MYOCOS: variants seen among roughly 807,000 people sequenced by gnomAD.
MYOCOS encodes myocilin opposite strand, also known as myocilin opposite strand protein.
At chr1:171,604,384 C>A (rs1184026407) in intron 1 of MYOCOS, 1 of 152,100 alleles carries the variant, frequency 6.6e-6, no homozygotes, top group Admixed American at 6.5e-5. Context: ...TGAGGTAAGA[C>A]AAAAGATTGC....
At chr1:171,604,545 C>T (rs555525830) in intron 1 of MYOCOS, among the ~76,000 whole-genome samples, 2 of 152,244 alleles carry the variant, frequency 1.3e-5, no homozygotes, top group Admixed American at 1.3e-4. Flanking sequence ...TGATCACAGT[C>T]TTTGAAGTAA....
intron 2 of MYOCOS, among the ~76,000 whole-genome samples, chr1:171,624,435 A>AATTATTATTATTATTATTAATATTATT (rs1652649578): frequency 6.8e-6 from 1 of 147,118 alleles, no homozygotes; most frequent in African/African-American, 2.6e-5. Flanking sequence ...ACGTCTGGTT[A>AATTATTATTATTATTATTAATATTATT]ATTATTATTA....
upstream of MYOCOS, among the ~76,000 whole-genome samples, chr1:171,619,683 T>C (rs962756079): frequency 6.6e-6 from 1 of 151,900 alleles, no homozygotes; most frequent in Non-Finnish European, 1.5e-5. Flanking sequence ...ACCCCATCTC[T>C]ACTAAAAATA....
At chr1:171,614,000 G>C (rs1652403642) in intron 1 of MYOCOS, among the ~76,000 whole-genome samples, 1 of 152,176 alleles carries the variant, frequency 6.6e-6, no homozygotes, top group Non-Finnish European at 1.5e-5. Context: ...CCCAGGAAGA[G>C]GCATTGTCCT....
In MYOCOS at chr1:171,609,086, C is replaced by T. The variant is rs1031790452; in HGVS notation, c.-251-5712C>T. ...CAGCCACAGCTGATGTCCTCCTCTCCTACCCATTCTAGATTTCCCTCACCC... is the reference window on the plus strand; with the variant it reads ...CAGCCACAGCTGATGTCCTCCTCTCTTACCCATTCTAGATTTCCCTCACCC... On this transcript the variant is annotated intron_variant, in intron 1 of 3. Transcript: ENST00000636697. Among the ~76,000 whole-genome samples, 116 of 152,322 alleles carry T rather than the reference C, an allele frequency of 7.6e-4. 1 individual carries two copies. Among genetic ancestry groups the T allele is most frequent in the Non-Finnish European group, 1.7e-3 (114 of 68,032 alleles).
chr1:171,601,535 T>C (rs1440154317), intron 1 of MYOCOS, among the ~76,000 whole-genome samples: 4 of 150,508 alleles, frequency 2.7e-5, no homozygotes, highest in Non-Finnish European at 5.9e-5. Context: ...CACTGGGAAC[T>C]ATGTTAAAGA....
intron 1 of MYOCOS, among the ~76,000 whole-genome samples, chr1:171,609,829 A>G (rs920885872): frequency 2.0e-5 from 3 of 152,152 alleles, no homozygotes; most frequent in African/African-American, 7.2e-5. Flanking sequence ...CACAGTTCCT[A>G]TGGGTCAGGA....
At chr1:171,608,458 C>A (rs919182630) in intron 1 of MYOCOS, among the ~76,000 whole-genome samples, 1 of 112,524 alleles carries the variant, frequency 8.9e-6, no homozygotes, top group Non-Finnish European at 1.6e-5. Flanking sequence ...TGCTGTGTTG[C>A]CCAGGCTGGA....
chr1:171,605,373 C>CCACACACACACACACACA (rs55880778), intron 1 of MYOCOS, among the ~76,000 whole-genome samples: 1 of 139,280 alleles, frequency 7.2e-6, no homozygotes, highest in South Asian at 2.6e-4. Context: ...ATTAATAGTA[C>CCACACACACACACACACA]CACACACACA....
At chr1:171,622,918 G>C (rs763221) in intron 1 of MYOCOS, among the ~76,000 whole-genome samples, 1 of 152,076 alleles carries the variant, frequency 6.6e-6, no homozygotes, top group South Asian at 2.1e-4. Context: ...GTGGGTTTAC[G>C]GTGGTTATCA....
In MYOCOS at chr1:171,626,723, C is replaced by T. The variant is rs1652713371; in HGVS notation, c.*122C>T. On this transcript the variant is annotated 3_prime_UTR_variant, in exon 3 of 3. Coordinates refer to ENST00000637642, the MANE Select transcript of MYOCOS (RefSeq NM_001391940.1). Reference sequence around the variant, plus strand: ...CTTTGTTCTTTCCTATTTTTCTTCACCTAGAACCACCATAGAGCATGGTTT... The same window carrying T: ...CTTTGTTCTTTCCTATTTTTCTTCATCTAGAACCACCATAGAGCATGGTTT... The T allele has an allele frequency of 5.0e-6, 2 of 397,104 alleles. No individual in the cohort carries two copies. 24.6% of individuals were successfully genotyped at this position (397,104 alleles called of 1,614,324 possible). A position where few individuals can be genotyped will look rare whatever the true frequency, so the allele number is the denominator to read the frequency against.
At chr1:171,625,601 GC>G (rs1253269985) in intron 2 of MYOCOS, among the ~76,000 whole-genome samples, 1 of 152,204 alleles carries the variant, frequency 6.6e-6, no homozygotes, top group East Asian at 1.9e-4. Context: ...GGCAAGGTTT[GC>G]CCAGCCCTGA....
At chr1:171,616,225 A>AAAAC (rs141899130) in intron 2 of MYOCOS, among the ~76,000 whole-genome samples, 13,013 of 150,962 alleles carry the variant, frequency 0.086, 672 homozygotes, top group East Asian at 0.21. Flanking sequence ...CTCAAAACAA[A>AAAAC]AAACAAACAA....
rs934109767 is a variant in MYOCOS at position 171,626,741 on chromosome 1, C to T, written c.*140C>T. The T allele has an allele frequency of 7.6e-6, 3 of 396,572 alleles. No individual in the cohort carries two copies. Among genetic ancestry groups the T allele is most frequent in the Admixed American group, 4.4e-5 (1 of 22,688 alleles). The allele number at this position is 396,572 out of a possible 1,614,324, so 24.6% of individuals were successfully genotyped here. On this transcript the variant is annotated 3_prime_UTR_variant, in exon 3 of 3. Coordinates refer to ENST00000637642, the MANE Select transcript of MYOCOS (RefSeq NM_001391940.1). ...TTCTTCACCTAGAACCACCATAGAGCATGGTTTACCCTTGCTAATAGACTT... is the reference window on the plus strand; with the variant it reads ...TTCTTCACCTAGAACCACCATAGAGTATGGTTTACCCTTGCTAATAGACTT...
At chr1:171,615,273 G>T (rs1320820384) in intron 2 of MYOCOS, among the ~76,000 whole-genome samples, 2 of 152,206 alleles carry the variant, frequency 1.3e-5, no homozygotes, top group Middle Eastern at 3.2e-3. Context: ...GTTGGACCAG[G>T]ATGGTAACAG....
At chr1:171,604,207 C>T (rs140441007) in intron 1 of MYOCOS, 1 of 152,258 alleles carries the variant, frequency 6.6e-6, no homozygotes, top group East Asian at 1.9e-4. Context: ...AAGAAGGTGA[C>T]AAGCCCTGCT....
At chr1:171,621,617 C>T (rs1330277331), upstream of MYOCOS, among the ~76,000 whole-genome samples, 8 of 151,334 alleles carry the variant, frequency 5.3e-5, no homozygotes, top group Non-Finnish European at 7.4e-5. Flanking sequence ...CCTCGTGATC[C>T]GCCCGCCTCG....
At chr1:171,614,006 G>A (rs1353797024) in intron 1 of MYOCOS, among the ~76,000 whole-genome samples, 1 of 152,178 alleles carries the variant, frequency 6.6e-6, no homozygotes, top group Non-Finnish European at 1.5e-5. Context: ...AAGAGGCATT[G>A]TCCTTATAAT....
rs187066053 is a variant in MYOCOS at position 171,605,675 on chromosome 1, C to T, written c.-252+4595C>T. ...CCCAGTCTATGCTTCCCGCGGAAAA[C>T]GAAGCATAGCCATAAGTAATTGAAA... is the stretch of plus-strand genomic sequence containing the variant. On this transcript the variant is annotated intron_variant, in intron 1 of 3. Transcript: ENST00000636697. Among the ~76,000 whole-genome samples, 22 of 151,988 alleles carry T rather than the reference C, an allele frequency of 1.4e-4. No homozygotes were observed. In the South Asian group the frequency reaches 3.1e-3, roughly 22 times the overall value.
Sources: allele counts gnomAD v4.1 joint callset (sites outside exome capture counted in the v4.1 genomes callset), GRCh38; gene constraint gnomAD v4.1.1; transcripts MANE v1.5; gene names NCBI Gene and HGNC (gene_info 2026-07-23, HGNC 2026-07-21).